The following CETP variants were observed in gnomAD, a reference collection of about 807,000 sequenced individuals.
CETP encodes the protein BPI fold containing family F.
CETP carries 56 observed loss-of-function variants against 66.5 expected under a neutral mutation model. The ratio of observed to expected loss-of-function variants is 0.84; its 90% CI spans 0.68 to 1.05. The LOEUF is 1.05. Ranked by LOEUF, CETP falls within the 50% of genes least tolerant of loss-of-function variation. The pLI, the probability that CETP is intolerant of heterozygous loss-of-function variation, is 0.00. For synonymous variants in CETP, 251 were observed against 245.7 expected (o/e 1.02, Z -0.20); for missense variants, 612 against 609.6 (o/e 1.00, Z -0.04).
intron 9 of CETP, 77 bp downstream of exon 9, chr16:56,973,587 A>G: frequency 6.5e-7 from 1 of 1,538,806 alleles, no homozygotes; most frequent in Non-Finnish European, 8.9e-7. Context: ...CATGGGGAGG[A>G]GGGAGGAAAC....
chr16:56,982,866 T>A (rs2056198910), intron 14 of CETP, among the ~76,000 whole-genome samples: 1 of 152,106 alleles, frequency 6.6e-6, no homozygotes. Context: ...ATGATCCTAG[T>A]GGGGTGTCTT....
At chr16:56,968,027 A>G (rs758618953) in intron 2 of CETP, among the ~76,000 whole-genome samples, 11 of 151,788 alleles carry the variant, frequency 7.2e-5, no homozygotes, top group Non-Finnish European at 1.5e-4. Flanking sequence ...GTTGTTTCCT[A>G]TACCAGAAGT....
Position 56,983,327 on chromosome 16 carries a change from G to C in CETP, c.1323G>C (p.Arg441=). ...CTGGGGCTCTGTCCCCTGCCCCAGGGCTCGAGGTAGTGTTTACAGCCCTCA... is the reference window on the plus strand; with the variant it reads ...CTGGGGCTCTGTCCCCTGCCCCAGGCCTCGAGGTAGTGTTTACAGCCCTCA... ...TAVGIPEVMS[R]LEVVFTALMN... Residue 441 remains arginine (R), a splice_region_variant and synonymous_variant, in exon 15 of 16, where the codon CGG becomes CGC. Transcript: ENST00000200676. 6 of 1,614,206 alleles carry C rather than the reference G, an allele frequency of 3.7e-6. No individual in the cohort carries two copies. The highest frequency in any genetic ancestry group is 5.1e-6 in the Non-Finnish European group (6 of 1,180,012).
chr16:56,971,744 G>A (rs1407736105), intron 7 of CETP, among the ~76,000 whole-genome samples: 2 of 152,202 alleles, frequency 1.3e-5, no homozygotes, highest in African/African-American at 4.8e-5. Context: ...GAGCAGAGCT[G>A]GGTTTCAGCC....
At position 56,980,187 on chromosome 16, in the gene CETP, T is replaced by C. The variant is rs530478634; in HGVS notation, c.1147-971T>C. On this transcript the variant is annotated intron_variant, in intron 11 of 15. Coordinates refer to ENST00000200676, the MANE Select transcript of CETP (RefSeq NM_000078.3). Reference sequence around the variant, plus strand: ...AGTTTTTCCACTGATGATACCCTTTTTCTTTTCCAAGATCTGATCCAGGAT... The same window carrying C: ...AGTTTTTCCACTGATGATACCCTTTCTCTTTTCCAAGATCTGATCCAGGAT... 2.6e-5 allele frequency among the ~76,000 whole-genome samples: 4 copies of C among 152,356 alleles called. No individual in the cohort carries two copies. In the South Asian group the frequency reaches 6.2e-4, roughly 24 times the overall value.
At chr16:56,977,653 C>T (rs2056158925) in intron 10 of CETP, among the ~76,000 whole-genome samples, 1 of 152,210 alleles carries the variant, frequency 6.6e-6, no homozygotes, top group South Asian at 2.1e-4. Flanking sequence ...GCTCTCTGCT[C>T]TATCCCCACC....
intron 1 of CETP, 52 bp downstream of exon 1, chr16:56,962,149 C>G (rs747114510): frequency 4.1e-6 from 6 of 1,478,910 alleles, no homozygotes; most frequent in Non-Finnish European, 5.7e-6. Flanking sequence ...CATGGACACC[C>G]ACTATGCCAG....
intron 13 of CETP, 85 bp from the exon 14 acceptor site, chr16:56,982,080 A>T: frequency 7.9e-7 from 1 of 1,263,058 alleles, no homozygotes. Context: ...CATGAGGATG[A>T]ATGCTTGTCC....
At chr16:56,975,905 C>T (rs1046359662) in intron 10 of CETP, among the ~76,000 whole-genome samples, 3 of 152,316 alleles carry the variant, frequency 2.0e-5, no homozygotes, top group South Asian at 2.1e-4. Flanking sequence ...TGCTCCCAGT[C>T]GCAACCCACT....
At chr16:56,967,671 ACAAT>A (rs2056077787) in intron 2 of CETP, among the ~76,000 whole-genome samples, 1 of 69,510 alleles carries the variant, frequency 1.4e-5, no homozygotes, top group South Asian at 6.5e-4. Context: ...AAAAAAAAAA[ACAAT>A]GGTATGAGCT....
intron 10 of CETP, among the ~76,000 whole-genome samples, chr16:56,977,540 G>A (rs291044): frequency 0.28 from 43,292 of 152,016 alleles, 6,831 homozygotes; most frequent in East Asian, 0.43. Context: ...GCCACAGCCT[G>A]GTGTGTCTCT....
Position 56,983,825 on chromosome 16 carries a change from AT to A in CETP, c.*161del. The A allele has an allele frequency of 1.4e-6, 1 of 721,702 alleles. No homozygotes were observed. The allele number at this position is 721,702 out of a possible 1,614,324, so 44.7% of individuals were successfully genotyped here. A position where few individuals can be genotyped will look rare whatever the true frequency, so the allele number is the denominator to read the frequency against. On this transcript the variant is annotated 3_prime_UTR_variant, in exon 16 of 16. Transcript: ENST00000200676. ...CTCCCTATCCTAAAGGCCCACTGGC[AT>A]TAAAGTGCTGTATCCAAGAGCTGCG...
At chr16:56,978,386 T>G in intron 11 of CETP, 131 bp downstream of exon 11, 1 of 1,046,394 alleles carries the variant, frequency 9.6e-7, no homozygotes, top group Non-Finnish European at 1.5e-6. Flanking sequence ...GGTTGTCTCT[T>G]GCACATGGCT....
intron 2 of CETP, among the ~76,000 whole-genome samples, chr16:56,968,423 G>A (rs1372563521): frequency 6.6e-6 from 1 of 152,152 alleles, no homozygotes; most frequent in East Asian, 1.9e-4. Flanking sequence ...CTGACCTCAG[G>A]TGATCTGCCC....
In CETP at chr16:56,982,356, C is replaced by T. The variant is rs1270652314; in HGVS notation, c.1321+119C>T. 4.6e-5 allele frequency: 44 copies of T among 952,234 alleles called. 1 individual carries two copies. The highest frequency in any genetic ancestry group is 1.2e-4 in the South Asian group (9 of 75,324). The allele number at this position is 952,234 out of a possible 1,614,324, so 59.0% of individuals were successfully genotyped here. A position where few individuals can be genotyped will look rare whatever the true frequency, so the allele number is the denominator to read the frequency against. ...CCTCTTCCCAGTCATTGATACTTAGCGGTCCTGGCCCCCTTTCCTCTCCCT... is the reference window on the plus strand; with the variant it reads ...CCTCTTCCCAGTCATTGATACTTAGTGGTCCTGGCCCCCTTTCCTCTCCCT... On this transcript the variant is annotated intron_variant, in intron 14 of 15. Coordinates refer to ENST00000200676, the MANE Select transcript of CETP (RefSeq NM_000078.3).
In CETP at chr16:56,969,633, G is replaced by A. The variant is rs775508511; in HGVS notation, c.391G>A (p.Asp131Asn). ...AWWLGIDQSI[D>N]FEIDSAIDLQ... ...CAGGCTGGGTATTGATCAGTCCATT[G>A]ACTTCGAGATCGACTCTGCCATTGA... is the stretch of plus-strand genomic sequence containing the variant. Residue 131 changes from aspartate (D) to asparagine (N), a missense_variant, in exon 4 of 16, where the codon GAC becomes AAC. Coordinates refer to ENST00000200676, the MANE Select transcript of CETP (RefSeq NM_000078.3). 5.2e-5 allele frequency: 84 copies of A among 1,614,040 alleles called. No individual in the cohort carries two copies. Among genetic ancestry groups the A allele is most frequent in the Non-Finnish European group, 6.9e-5 (81 of 1,180,034 alleles).
chr16:56,982,096 G>A (rs1196127575), intron 13 of CETP, 69 bp from the exon 14 acceptor site: 30 of 1,405,718 alleles, frequency 2.1e-5, no homozygotes, highest in Non-Finnish European at 2.8e-5. Context: ...TGTCCAGGCC[G>A]TGCAGCATCT....
chr16:56,976,470 T>G (rs71387147), intron 10 of CETP, among the ~76,000 whole-genome samples: 9,036 of 151,960 alleles, frequency 0.059, 330 homozygotes, highest in Middle Eastern at 0.13. Flanking sequence ...TCTTTTCTTT[T>G]CTTTCTTTTT....
At chr16:56,972,825 G>T (rs1253399651) in intron 8 of CETP, among the ~76,000 whole-genome samples, 3 of 152,228 alleles carry the variant, frequency 2.0e-5, no homozygotes, top group Non-Finnish European at 4.4e-5. Flanking sequence ...TTGTAACAGA[G>T]CCTCTCCCTG....
Sources: allele counts gnomAD v4.1 joint callset (sites outside exome capture counted in the v4.1 genomes callset), GRCh38; gene constraint gnomAD v4.1.1; transcripts MANE v1.5; gene names NCBI Gene and HGNC (gene_info 2026-07-23, HGNC 2026-07-21).